The following DRC10 variants were observed in gnomAD, a reference collection of about 807,000 sequenced individuals.
The protein encoded by DRC10 is IQ domain-containing protein D.
the DRC10 span, chr12:113,197,593 G>T: frequency 1.3e-6 from 2 of 1,531,822 alleles, no homozygotes; most frequent in South Asian, 1.2e-5. Context: ...CTCGATTTCC[G>T]TTTCCACTTT....
chr12:113,202,623 A>C, the DRC10 span, among the ~76,000 whole-genome samples: 1 of 152,200 alleles, frequency 6.6e-6, no homozygotes, highest in East Asian at 1.9e-4. Flanking sequence ...CCACCTCCAC[A>C]CGTGTCCTTA....
At chr12:113,217,677 G>A in the DRC10 span, among the ~76,000 whole-genome samples, 3 of 151,880 alleles carry the variant, frequency 2.0e-5, no homozygotes, top group Non-Finnish European at 4.4e-5. Context: ...GATTACAGGT[G>A]CGTGTTACCA....
the DRC10 span, among the ~76,000 whole-genome samples, chr12:113,214,182 A>G: frequency 1.3e-5 from 2 of 152,216 alleles, no homozygotes; most frequent in Admixed American, 6.5e-5. Context: ...TGCTATCCCA[A>G]CCAACTACTA....
the DRC10 span, chr12:113,195,549 G>T: frequency 6.4e-7 from 1 of 1,558,610 alleles, no homozygotes; most frequent in Non-Finnish European, 8.7e-7. Flanking sequence ...GGAAGATAAG[G>T]GTCAGGAGCG....
At chr12:113,195,557 G>A in the DRC10 span, 3 of 1,566,242 alleles carry the variant, frequency 1.9e-6, no homozygotes, top group Non-Finnish European at 2.6e-6. Flanking sequence ...AGGGTCAGGA[G>A]CGGGCTGGGT....
the DRC10 span, chr12:113,195,996 C>A: frequency 6.9e-7 from 1 of 1,443,424 alleles, no homozygotes; most frequent in South Asian, 1.4e-5. Context: ...CCCAGCGATG[C>A]CCCTAAGCTA....
the DRC10 span, among the ~76,000 whole-genome samples, chr12:113,215,295 C>G: frequency 1.3e-5 from 2 of 152,156 alleles, no homozygotes; most frequent in Non-Finnish European, 1.5e-5. Context: ...TAAGCCTTGA[C>G]GTTCTACCTG....
chr12:113,210,754 C>G, the DRC10 span, among the ~76,000 whole-genome samples: 1 of 150,712 alleles, frequency 6.6e-6, no homozygotes, highest in African/African-American at 2.4e-5. Context: ...TGTTCGTTCT[C>G]CAGGTTAAGT....
At chr12:113,206,455 G>A in the DRC10 span, among the ~76,000 whole-genome samples, 4 of 152,050 alleles carry the variant, frequency 2.6e-5, no homozygotes, top group Non-Finnish European at 4.4e-5. Context: ...TAGCCAATCG[G>A]GTTGAGTACA....
At chr12:113,206,816 T>C in the DRC10 span, among the ~76,000 whole-genome samples, 2 of 150,926 alleles carry the variant, frequency 1.3e-5, no homozygotes, top group Admixed American at 1.3e-4. Context: ...CCCCAGCACT[T>C]TGGGAGGCCA....
chr12:113,198,282 G>A, the DRC10 span, among the ~76,000 whole-genome samples: 1 of 152,098 alleles, frequency 6.6e-6, no homozygotes, highest in Non-Finnish European at 1.5e-5. Flanking sequence ...AGGGAGTGGC[G>A]AGGAGGAAAG....
At chr12:113,195,739 C>T in the DRC10 span, 1 of 1,614,018 alleles carries the variant, frequency 6.2e-7, no homozygotes, top group Non-Finnish European at 8.5e-7. Flanking sequence ...CGCACCATCT[C>T]CTGCTCTGCC....
the DRC10 span, chr12:113,207,717 G>A: frequency 6.2e-7 from 1 of 1,614,196 alleles, no homozygotes; most frequent in Non-Finnish European, 8.5e-7. Flanking sequence ...TCTTGGTGGA[G>A]TCTTTGATCT....
the DRC10 span, among the ~76,000 whole-genome samples, chr12:113,216,861 G>A: frequency 1.3e-5 from 2 of 152,106 alleles, no homozygotes; most frequent in African/African-American, 4.8e-5. Flanking sequence ...GCCGAGGTGG[G>A]TGGATCACCT....
At chr12:113,206,940 G>T in the DRC10 span, among the ~76,000 whole-genome samples, 1 of 152,162 alleles carries the variant, frequency 6.6e-6, no homozygotes, top group Non-Finnish European at 1.5e-5. Flanking sequence ...CACACCTGTA[G>T]TCTCAGCTAC....
At chr12:113,216,801 C>T in the DRC10 span, among the ~76,000 whole-genome samples, 4 of 152,104 alleles carry the variant, frequency 2.6e-5, no homozygotes, top group Non-Finnish European at 5.9e-5. Flanking sequence ...GGTGCGGTGG[C>T]TCACTCCTGT....
At chr12:113,197,554 A>G in the DRC10 span, 4 of 1,532,812 alleles carry the variant, frequency 2.6e-6, no homozygotes, top group Non-Finnish European at 3.5e-6. Flanking sequence ...CTTCTCACCC[A>G]TCTCTGTATC....
chr12:113,209,188 A>G, the DRC10 span, among the ~76,000 whole-genome samples: 1 of 151,948 alleles, frequency 6.6e-6, no homozygotes, highest in African/African-American at 2.4e-5. Flanking sequence ...TGCTGGGATT[A>G]CAGGCCTGAG....
the DRC10 span, chr12:113,208,322 G>T: frequency 7.0e-7 from 1 of 1,427,694 alleles, no homozygotes; most frequent in Non-Finnish European, 9.1e-7. Flanking sequence ...TAGTGTGGCT[G>T]CAGAAACCAC....
Sources: gnomAD v4.1 joint callset for allele counts (sites outside exome capture counted in the v4.1 genomes callset) on GRCh38, gnomAD v4.1.1 for gene constraint, MANE v1.5 for transcripts, NCBI Gene and HGNC (gene_info 2026-07-23, HGNC 2026-07-21) for gene names.